Variants in ZNF574 observed in about 807,000 individuals in gnomAD.
The protein encoded by ZNF574 is zinc finger protein 574.
Under a neutral mutation model 56.6 loss-of-function variants are expected in ZNF574, and 25 were observed. The observed-to-expected ratio is 0.44, with a 90% CI of 0.32 to 0.62. The LOEUF is 0.62. Ranked by LOEUF, ZNF574 falls within the 20% of genes least tolerant of loss-of-function variation. The pLI, the probability that ZNF574 is intolerant of heterozygous loss-of-function variation, is 0.04. For missense variants in ZNF574, 1,065 were observed against 1,218.9 expected, an observed-to-expected ratio of 0.87 and a Z score of 1.88; for synonymous variants, 543 against 492.1, an observed-to-expected ratio of 1.10 and a Z score of -1.37.
At chr19:42,069,068 T>G in intron 1 of ZNF574, 46 of 402,202 alleles carry the variant, frequency 1.1e-4, no homozygotes, top group East Asian at 1.7e-4. Flanking sequence ...TGAGAAGAGG[T>G]CGAGGTGAAT....
Position 42,081,185 on chromosome 19 carries a change from A to AG in ZNF574, c.2581dup (p.Ala861GlyfsTer22). 1 of 1,614,018 alleles carries AG rather than the reference A, an allele frequency of 6.2e-7. No homozygotes were observed. Among genetic ancestry groups the AG allele is most frequent in the Non-Finnish European group, 8.5e-7 (1 of 1,180,000 alleles). Reference sequence around the variant, plus strand: ...GTGCGGCAGCAGCTGGCAGAGGCGGAGGCTGCCGTTGGCCTGGCCGTCATG... The same window carrying AG: ...GTGCGGCAGCAGCTGGCAGAGGCGGAGGGCTGCCGTTGGCCTGGCCGTCATG... On this transcript the variant is annotated frameshift_variant, in exon 2 of 2. Transcript: ENST00000359044. LOFTEE classifies it high-confidence loss of function.
Position 42,081,372 on chromosome 19 carries a change from A to G in ZNF574, c.*75A>G. The G allele has an allele frequency of 1.3e-6, 2 of 1,567,534 alleles. No homozygotes were observed. The highest frequency in any genetic ancestry group is 1.8e-6 in the Non-Finnish European group (2 of 1,138,906). ...CTCCAGCATCCCCTTAAGCATCTGT[A>G]CATACTGTGTCCCTTCCTCTTCCCA... On this transcript the variant is annotated 3_prime_UTR_variant, in exon 2 of 2. Transcript: ENST00000359044.
At chr19:42,076,507 G>A (rs1223764214) in intron 1 of ZNF574, among the ~76,000 whole-genome samples, 2 of 151,762 alleles carry the variant, frequency 1.3e-5, no homozygotes, top group East Asian at 1.9e-4. Flanking sequence ...GGGGCTGAGT[G>A]AGGAGGGGCG....
intron 1 of ZNF574, among the ~76,000 whole-genome samples, chr19:42,070,054 C>T (rs1309412229): frequency 6.6e-6 from 1 of 152,108 alleles, no homozygotes; most frequent in Admixed American, 6.5e-5. Context: ...CGACACACTC[C>T]TGGTCCCCTG....
intron 1 of ZNF574, among the ~76,000 whole-genome samples, chr19:42,069,834 A>C (rs2076399435): frequency 6.6e-6 from 1 of 151,614 alleles, no homozygotes; most frequent in Non-Finnish European, 1.5e-5. Context: ...CCCCACGGGA[A>C]AAGCATGCTG....
chr19:42,068,548 G>C (rs2076373975), exon 1 of ZNF574: 1 of 401,368 alleles, frequency 2.5e-6, no homozygotes, highest in East Asian at 3.6e-5. Context: ...AAAAGTGACA[G>C]AGGGAAGACA....
chr19:42,080,145 C>T lies in ZNF574; in HGVS notation c.1539C>T (p.His513=), dbSNP rs142117032. Reference sequence around the variant, plus strand: ...AGAAGAAGTCTCACGTGCGTAACCACCTGCGCACACACACAGGGGAGCGGC... The same window carrying T: ...AGAAGAAGTCTCACGTGCGTAACCATCTGCGCACACACACAGGGGAGCGGC... The part of the protein sequence containing the change: ...MFKKKSHVRN[H]LRTHTGERPF... Residue 513 remains histidine (H), a synonymous_variant, in exon 2 of 2, where the codon CAC becomes CAT. Coordinates refer to ENST00000359044, the MANE Select transcript of ZNF574 (RefSeq NM_022752.6). The surrounding 1 kb of genome is among the most constrained non-coding windows in gnomAD (Gnocchi z 8.5). The T allele has an allele frequency of 1.4e-4, 218 of 1,613,988 alleles. No homozygotes were observed. Among genetic ancestry groups the T allele is most frequent in the Middle Eastern group, 3.3e-4 (2 of 6,084 alleles).
chr19:42,071,436 C>T (rs2076420929), upstream of ZNF574, among the ~76,000 whole-genome samples: 1 of 152,176 alleles, frequency 6.6e-6, no homozygotes, highest in Non-Finnish European at 1.5e-5. Context: ...TGACCGCATG[C>T]CTCGAACACA....
rs746868384 is a variant in ZNF574, at chr19:42,078,651, C to T, written c.45C>T (p.Arg15=). 1.2e-6 allele frequency: 2 copies of T among 1,613,922 alleles called. No individual in the cohort carries two copies. Among genetic ancestry groups the T allele is most frequent in the Admixed American group, 1.7e-5 (1 of 59,994 alleles). The change falls in exon 2 of 2, where the codon CGC becomes CGT. Residue 15 remains arginine (R), a synonymous_variant. Transcript: ENST00000359044. ...AGACAGTCCTGTACATTGAGCACCG[C>T]TATGTCTGCTCTGAGTGCAACCAGC... ...SEETVLYIEH[R]YVCSECNQLY...
chr19:42,080,780 C>T lies in ZNF574; in HGVS notation c.2174C>T (p.Ala725Val), dbSNP rs2076493834. ...TCTCCAGCAGCCCTTGGAAGCACTG[C>T]TACAGCATCCCCTGCGGCCCCTGCC... is the stretch of plus-strand genomic sequence containing the variant. The part of the protein sequence containing the change: ...VASPAALGST[A>V]TASPAAPARR... The change falls in exon 2 of 2, where the codon GCT (alanine) becomes GTT (valine). Residue 725 changes from alanine (A) to valine (V), a missense_variant. Transcript: ENST00000359044. This position sits in a 1 kb window ranked among gnomAD's most constrained non-coding sequence, Gnocchi z 8.5. 1.9e-6 allele frequency: 3 copies of T among 1,613,906 alleles called. No individual in the cohort carries two copies. The African/African-American group carries it at 4.0e-5, about 22-fold the overall frequency.
rs199767748 is a variant in ZNF574, at chr19:42,079,512, C to A, written c.906C>A (p.Gly302=). ...GGAGGAACAACAGTGGAGAAGCAGGCGGGGCAGCCACACAGGAGCTCTTCT... is the reference window on the plus strand; with the variant it reads ...GGAGGAACAACAGTGGAGAAGCAGGAGGGGCAGCCACACAGGAGCTCTTCT... ...RARRNNSGEA[G]GAATQELFCS... Residue 302 remains glycine (G), a synonymous_variant, in exon 2 of 2, where the codon GGC becomes GGA. Transcript: ENST00000359044. This position sits in a 1 kb window ranked among gnomAD's most constrained non-coding sequence, Gnocchi z 4.3. The A allele has an allele frequency of 6.2e-7, 1 of 1,613,862 alleles. No homozygotes were observed. The highest frequency in any genetic ancestry group is 8.5e-7 in the Non-Finnish European group (1 of 1,180,026).
Position 42,081,300 on chromosome 19 carries a change from C to T in ZNF574, c.*3C>T, listed in dbSNP as rs780847753. ...AGGGGGTCCAGATCAGTGGCTGACTCTGCCCGACTTCCTCTTTGGCACCTC... is the reference window on the plus strand; with the variant it reads ...AGGGGGTCCAGATCAGTGGCTGACTTTGCCCGACTTCCTCTTTGGCACCTC... On this transcript the variant is annotated 3_prime_UTR_variant, in exon 2 of 2. Transcript: ENST00000359044. 6.2e-7 allele frequency: 1 copy of T among 1,614,118 alleles called. No homozygotes were observed. Among genetic ancestry groups the T allele is most frequent in the Non-Finnish European group, 8.5e-7 (1 of 1,180,040 alleles).
At chr19:42,072,800 G>A (rs7251466), upstream of ZNF574, among the ~76,000 whole-genome samples, 13 of 152,040 alleles carry the variant, frequency 8.6e-5, no homozygotes, top group African/African-American at 1.2e-4. Flanking sequence ...TCCTGACATC[G>A]GGTGATCGGC....
At position 42,080,707 on chromosome 19, in the gene ZNF574, G is replaced by A. The variant is rs761734780; in HGVS notation, c.2101G>A (p.Glu701Lys). The A allele has an allele frequency of 6.2e-7, 1 of 1,613,326 alleles. No homozygotes were observed. The highest frequency in any genetic ancestry group is 8.5e-7 in the Non-Finnish European group (1 of 1,179,914). Residue 701 changes from glutamate (E) to lysine (K), a missense_variant, in exon 2 of 2, where the codon GAG (glutamate) becomes AAG (lysine). Coordinates refer to ENST00000359044, the MANE Select transcript of ZNF574 (RefSeq NM_022752.6). The surrounding 1 kb of genome is among the most constrained non-coding windows in gnomAD (Gnocchi z 8.5). ...AAGPGEVLAKEPPAPRAPRAT... is the reference protein window; with the variant it reads ...AAGPGEVLAKKPPAPRAPRAT... Reference sequence around the variant, plus strand: ...TGGGCCTGGAGAGGTCCTGGCTAAGGAGCCCCCTGCCCCTCGAGCCCCACG... The same window carrying A: ...TGGGCCTGGAGAGGTCCTGGCTAAGAAGCCCCCTGCCCCTCGAGCCCCACG...
Position 42,079,367 on chromosome 19 carries a change from A to G in ZNF574, c.761A>G (p.Gln254Arg), listed in dbSNP as rs759834322. ...GAGCCTGCCTTACAGCAGGAGGTGCAGGCCTCGTCACCTGCAGAGGTGCCT... is the reference window on the plus strand; with the variant it reads ...GAGCCTGCCTTACAGCAGGAGGTGCGGGCCTCGTCACCTGCAGAGGTGCCT... ...SQEPALQQEVQASSPAEVPVS... is the reference protein window; with the variant it reads ...SQEPALQQEVRASSPAEVPVS... The change falls in exon 2 of 2, where the codon CAG (glutamine) becomes CGG (arginine). Residue 254 changes from glutamine to arginine, a missense_variant. Gln to Arg is a conservative substitution (Grantham distance 43). Coordinates refer to ENST00000359044, the MANE Select transcript of ZNF574 (RefSeq NM_022752.6). The surrounding 1 kb of genome is among the most constrained non-coding windows in gnomAD (Gnocchi z 4.3). The G allele has an allele frequency of 5.6e-6, 9 of 1,613,446 alleles. No homozygotes were observed. The African/African-American group carries it at 9.3e-5, about 17-fold the overall frequency.
At chr19:42,069,119 G>T (rs1444729728) in intron 1 of ZNF574, 2 of 423,976 alleles carry the variant, frequency 4.7e-6, no homozygotes, top group Non-Finnish European at 4.2e-6. Context: ...GGCCCCTAGT[G>T]GGGGAGGGTA....
In ZNF574 at chr19:42,080,907, A is replaced by G. The variant is rs779229989; in HGVS notation, c.2301A>G (p.Pro767=). ...RRIHTGERPY[P]CPDCGKAFRQ... is the part of the protein sequence containing the mutation. The stretch of plus-strand genomic sequence containing the variant: ...TCCACACAGGTGAGCGGCCATACCC[A>G]TGTCCAGACTGTGGCAAAGCGTTCC... Residue 767 remains proline, a synonymous_variant, in exon 2 of 2, where the codon CCA becomes CCG. Coordinates refer to ENST00000359044, the MANE Select transcript of ZNF574 (RefSeq NM_022752.6). The surrounding 1 kb of genome is among the most constrained non-coding windows in gnomAD (Gnocchi z 8.5). 25 of 1,613,560 alleles carry G rather than the reference A, an allele frequency of 1.5e-5. No individual in the cohort carries two copies. In the Middle Eastern group the frequency reaches 6.6e-4, roughly 42 times the overall value.
rs761750370 is a variant in ZNF574, at chr19:42,081,043, C to T, written c.2437C>T (p.Arg813Cys). 10 of 1,614,188 alleles carry T rather than the reference C, an allele frequency of 6.2e-6. No individual in the cohort carries two copies. The East Asian group carries it at 6.7e-5, about 11-fold the overall frequency. ...CATCTCCATGCGCCTGGCAGAACAT[C>T]GCCGCATCCACACAGGCGAACGACC... is the stretch of plus-strand genomic sequence containing the variant. ...FAISMRLAEH[R>C]RIHTGERPYS... The change falls in exon 2 of 2, where the codon CGC (arginine) becomes TGC (cysteine). Residue 813 changes from arginine (R) to cysteine (C), a missense_variant. By Grantham distance (180) the Arg-to-Cys change is radical (BLOSUM62 -3). Coordinates refer to ENST00000359044, the MANE Select transcript of ZNF574 (RefSeq NM_022752.6).
chr19:42,074,816 G>T (rs1260367540), upstream of ZNF574: 1 of 152,246 alleles, frequency 6.6e-6, no homozygotes, highest in Non-Finnish European at 1.5e-5. Context: ...ACACAATTCT[G>T]AGAGTCAGTT....
Sources: allele counts gnomAD v4.1 joint callset (sites outside exome capture counted in the v4.1 genomes callset), GRCh38; gene constraint gnomAD v4.1.1; non-coding constraint Gnocchi (gnomAD v3.1); transcripts MANE v1.5; gene names NCBI Gene and HGNC (gene_info 2026-07-23, HGNC 2026-07-21).